Variants in MAML3 observed in about 807,000 individuals in gnomAD.
MAML3 encodes the protein mastermind like transcriptional coactivator 3.
A neutral mutation model predicts 101.9 loss-of-function variants in MAML3; 27 were observed. The ratio of observed to expected loss-of-function variants is 0.27; its 90% CI spans 0.20 to 0.37. MAML3 has a LOEUF of 0.37. MAML3 is among the 10% of genes least tolerant of loss of function. The pLI is 1.00. For missense variants in MAML3, 1,316 were observed against 1,444.9 expected, an observed-to-expected ratio of 0.91 and a Z score of 1.45; for synonymous variants, 501 against 555.9, an observed-to-expected ratio of 0.90 and a Z score of 1.39.
chr4:140,138,777 C>T, intron 1 of MAML3, among the ~76,000 whole-genome samples: 1 of 152,088 alleles, frequency 6.6e-6, no homozygotes, highest in East Asian at 1.9e-4. Flanking sequence ...ATGCTTTGCC[C>T]CAGCTGGGGA....
intron 2 of MAML3, among the ~76,000 whole-genome samples, chr4:139,867,184 T>A (rs544756246): frequency 1.3e-5 from 2 of 152,312 alleles, no homozygotes; most frequent in East Asian, 3.9e-4. Flanking sequence ...CCGTCTGGAT[T>A]GTCATGTATT....
intron 1 of MAML3, among the ~76,000 whole-genome samples, chr4:140,135,238 T>G (rs762191874): frequency 2.6e-5 from 4 of 152,236 alleles, no homozygotes; most frequent in Non-Finnish European, 5.9e-5. Flanking sequence ...AAAAACCACA[T>G]AGACGAATAC....
chr4:139,889,836 C>A lies in MAML3; in HGVS notation c.1600G>T (p.Ala534Ser). The change falls in exon 2 of 5, where the codon GCA becomes TCA. Residue 534 changes from alanine (A) to serine (S), a missense_variant. Ala to Ser is a moderately conservative substitution (Grantham distance 99, BLOSUM62 1). Coordinates refer to ENST00000509479, the MANE Select transcript of MAML3 (RefSeq NM_018717.5). ...PSSPYGAAFT[A>S]EKPNSPMMYP... ...ATCATTGGGCTATTTGGTTTTTCTGCAGTAAAAGCTGCTCCATATGGACTA... is the reference window on the plus strand; with the variant it reads ...ATCATTGGGCTATTTGGTTTTTCTGAAGTAAAAGCTGCTCCATATGGACTA... The A allele has an allele frequency of 6.2e-7, 1 of 1,613,744 alleles. No individual in the cohort carries two copies. Among genetic ancestry groups the A allele is most frequent in the Non-Finnish European group, 8.5e-7 (1 of 1,179,860 alleles).
At chr4:140,008,764 G>A (rs542189468) in intron 1 of MAML3, among the ~76,000 whole-genome samples, 17 of 152,088 alleles carry the variant, frequency 1.1e-4, no homozygotes, top group African/African-American at 1.9e-4. Flanking sequence ...CTTTATACAC[G>A]CGCACACACA....
chr4:140,014,797 A>T (rs1263047285), intron 1 of MAML3, among the ~76,000 whole-genome samples: 1 of 152,174 alleles, frequency 6.6e-6, no homozygotes, highest in Non-Finnish European at 1.5e-5. Context: ...GGTAAACTTC[A>T]ATCACTCCCT....
At chr4:139,968,057 T>A (rs1379049334) in intron 1 of MAML3, among the ~76,000 whole-genome samples, 1 of 151,470 alleles carries the variant, frequency 6.6e-6, no homozygotes, top group Non-Finnish European at 1.5e-5. Context: ...GGCGGGTAGA[T>A]TACCTGAGGT....
At chr4:139,795,509 T>C (rs1730497339) in intron 2 of MAML3, among the ~76,000 whole-genome samples, 1 of 152,222 alleles carries the variant, frequency 6.6e-6, no homozygotes, top group African/African-American at 2.4e-5. Flanking sequence ...TTCATCTTAT[T>C]ATAGGAGCTT....
intron 4 of MAML3, 37 bp downstream of exon 4, chr4:139,725,714 G>A (rs769901414): frequency 6.3e-7 from 1 of 1,590,968 alleles, no homozygotes; most frequent in South Asian, 1.1e-5. Context: ...CTTCACCACT[G>A]GAAGGTATAA....
At chr4:139,908,209 G>A (rs1318063525) in intron 1 of MAML3, among the ~76,000 whole-genome samples, 1 of 152,176 alleles carries the variant, frequency 6.6e-6, no homozygotes, top group African/African-American at 2.4e-5. Context: ...TGAACAAACT[G>A]ACATTTTAGA....
chr4:140,009,320 T>G (rs1726510675), intron 1 of MAML3, among the ~76,000 whole-genome samples: 1 of 152,124 alleles, frequency 6.6e-6, no homozygotes, highest in African/African-American at 2.4e-5. Flanking sequence ...GTGTCTCTGT[T>G]TTTTGTTTTT....
chr4:139,776,655 C>A (rs949216857), intron 2 of MAML3, among the ~76,000 whole-genome samples: 1 of 152,146 alleles, frequency 6.6e-6, no homozygotes, highest in African/African-American at 2.4e-5. Flanking sequence ...CAAAATGGTG[C>A]ATTTAAACCC....
chr4:139,875,035 C>A (rs900648304), intron 2 of MAML3, among the ~76,000 whole-genome samples: 2 of 152,098 alleles, frequency 1.3e-5, no homozygotes, highest in East Asian at 3.9e-4. Context: ...AATCTCCTGA[C>A]CTCGTGATCT....
chr4:140,096,776 G>C (rs948308355), intron 1 of MAML3, among the ~76,000 whole-genome samples: 2 of 151,920 alleles, frequency 1.3e-5, no homozygotes, highest in Non-Finnish European at 2.9e-5. Context: ...TCACACAAAG[G>C]TACAATATTT....
At chr4:140,054,267 G>A (rs148130663) in intron 1 of MAML3, among the ~76,000 whole-genome samples, 2,251 of 151,622 alleles carry the variant, frequency 0.015, 54 homozygotes, top group African/African-American at 0.051. Context: ...TACCCGGGAG[G>A]CTGAGGCAGG....
chr4:140,083,920 A>G (rs915796094), intron 1 of MAML3, among the ~76,000 whole-genome samples: 11 of 150,112 alleles, frequency 7.3e-5, no homozygotes, highest in African/African-American at 2.7e-4. Context: ...CTAGATTGAA[A>G]CACACACGCG....
chr4:139,867,054 T>C (rs1256999162), intron 2 of MAML3, among the ~76,000 whole-genome samples: 2 of 152,224 alleles, frequency 1.3e-5, no homozygotes, highest in Non-Finnish European at 2.9e-5. Context: ...TGAAATAAAA[T>C]GTGTTCTTGA....
At chr4:139,830,410 A>ATTTTT (rs1157293904) in intron 2 of MAML3, among the ~76,000 whole-genome samples, 46 of 121,282 alleles carry the variant, frequency 3.8e-4, no homozygotes, top group African/African-American at 1.3e-3. Context: ...ACGCTGTGCT[A>ATTTTT]TTTTTTTTTT....
intron 1 of MAML3, among the ~76,000 whole-genome samples, chr4:139,983,693 G>A (rs1474301870): frequency 6.6e-6 from 1 of 152,150 alleles, no homozygotes; most frequent in Admixed American, 6.5e-5. Context: ...TGGGGTGCTC[G>A]ATCTGTGCTA....
intron 1 of MAML3, among the ~76,000 whole-genome samples, chr4:140,080,252 A>T (rs1425312595): frequency 6.6e-6 from 1 of 152,260 alleles, no homozygotes; most frequent in East Asian, 1.9e-4. Flanking sequence ...ATGCCTGCAG[A>T]AAAGGCAAAC....
Sources: allele counts gnomAD v4.1 joint callset (sites outside exome capture counted in the v4.1 genomes callset), GRCh38; gene constraint gnomAD v4.1.1; transcripts MANE v1.5; gene names NCBI Gene and HGNC (gene_info 2026-07-23, HGNC 2026-07-21).